Variants in CCDC171 observed in about 807,000 individuals in gnomAD.
CCDC171 encodes the protein coiled-coil domain-containing protein 171.
In CCDC171, 177 loss-of-function variants were observed where a neutral mutation model predicts 168.2. The ratio of observed to expected loss-of-function variants is 1.05; its 90% CI spans 0.93 to 1.19. The LOEUF is 1.19. CCDC171 is among the 50% of genes most tolerant of loss of function. CCDC171 has a pLI of 0.00. For synonymous variants in CCDC171, 687 were observed against 540.8 expected (o/e 1.27, Z -3.75); for missense variants, 1,991 against 1,539.0 (o/e 1.29, Z -4.91).
intron 1 of CCDC171, among the ~76,000 whole-genome samples, chr9:16,045,507 G>C (rs372103996): frequency 1.3e-5 from 2 of 152,276 alleles, no homozygotes; most frequent in South Asian, 2.1e-4. Context: ...TAACAATCAA[G>C]AATGTCTCCA....
rs182847919 is a variant in CCDC171, at chr9:15,631,104, T to G, written c.822+7691T>G. On this transcript the variant is annotated intron_variant, in intron 7 of 25. Transcript: ENST00000380701. Reference sequence around the variant, plus strand: ...AAAATTGACACCCTAACATCACAATTAAAAGAACTAGAGAAGCAAGAGCAA... The same window carrying G: ...AAAATTGACACCCTAACATCACAATGAAAAGAACTAGAGAAGCAAGAGCAA... Among the ~76,000 whole-genome samples the G allele has an allele frequency of 5.9e-3, 895 of 151,744 alleles. 8 individuals are homozygous for G. Among genetic ancestry groups the G allele is most frequent in the Non-Finnish European group, 0.011 (744 of 67,904 alleles).
intron 24 of CCDC171, among the ~76,000 whole-genome samples, chr9:15,907,411 G>A (rs1028368383): frequency 6.6e-6 from 1 of 152,178 alleles, no homozygotes; most frequent in Non-Finnish European, 1.5e-5. Context: ...ATGGGGAAAC[G>A]ATTCCCTATT....
intron 7 of CCDC171, among the ~76,000 whole-genome samples, chr9:15,652,603 G>T (rs1226248595): frequency 6.6e-6 from 1 of 151,874 alleles, no homozygotes; most frequent in Non-Finnish European, 1.5e-5. Context: ...GCTAATTTTT[G>T]TTTTTTGTTT....
At chr9:15,982,914 G>T (rs1831849246) in intron 3 of CCDC171, among the ~76,000 whole-genome samples, 1 of 152,140 alleles carries the variant, frequency 6.6e-6, no homozygotes, top group Admixed American at 6.5e-5. Context: ...AGAAGGTGAT[G>T]CAGGGGTGAG....
chr9:15,980,741 G>GTT (rs1291740382), intron 3 of CCDC171, among the ~76,000 whole-genome samples: 1 of 145,736 alleles, frequency 6.9e-6, no homozygotes, highest in African/African-American at 2.7e-5. Context: ...TTGCTCATTT[G>GTT]GTTTTTTTTT....
At chr9:16,047,507 C>G (rs1451272221) in intron 1 of CCDC171, among the ~76,000 whole-genome samples, 2 of 152,238 alleles carry the variant, frequency 1.3e-5, no homozygotes, top group Non-Finnish European at 2.9e-5. Flanking sequence ...GGTGGTCCCC[C>G]TGTCTCTAAA....
At chr9:15,698,520 C>CAAA (rs35301658) in intron 11 of CCDC171, among the ~76,000 whole-genome samples, 1 of 106,992 alleles carries the variant, frequency 9.3e-6, no homozygotes, top group African/African-American at 3.4e-5. Context: ...GACCCCGTCT[C>CAAA]AAAAAAAAAA....
intron 7 of CCDC171, 50 bp downstream of exon 7, chr9:15,623,463 A>ACACGCGCGCGCGCGCG: frequency 3.2e-6 from 2 of 633,910 alleles, no homozygotes; most frequent in South Asian, 3.8e-5. Flanking sequence ...ACTTTCACAT[A>ACACGCGCGCGCGCGCG]TGCGCGCGCG....
intron 6 of CCDC171, among the ~76,000 whole-genome samples, chr9:16,027,502 C>A (rs934880617): frequency 6.6e-6 from 1 of 152,142 alleles, no homozygotes; most frequent in Non-Finnish European, 1.5e-5. Context: ...AAACTTTTCT[C>A]CCCAAAATCA....
At chr9:15,999,886 C>T (rs1832488526) in intron 3 of CCDC171, among the ~76,000 whole-genome samples, 1 of 152,042 alleles carries the variant, frequency 6.6e-6, no homozygotes, top group African/African-American at 2.4e-5. Flanking sequence ...GGAACAAGAA[C>T]TCAGGCTCTT....
At chr9:15,998,358 A>G (rs533489282) in intron 3 of CCDC171, among the ~76,000 whole-genome samples, 60 of 152,174 alleles carry the variant, frequency 3.9e-4, no homozygotes, top group African/African-American at 1.4e-3. Context: ...TCAAAATGAG[A>G]TATGATCAGT....
chr9:15,961,478 C>T (rs569406883), intron 25 of CCDC171, among the ~76,000 whole-genome samples: 12 of 152,028 alleles, frequency 7.9e-5, no homozygotes, highest in East Asian at 7.7e-4. Context: ...GTTGCATTTG[C>T]GCAGAGTAGA....
rs562120186 is a variant in CCDC171 at position 15,631,399 on chromosome 9, C to T, written c.822+7986C>T. Among the ~76,000 whole-genome samples the T allele has an allele frequency of 6.9e-4, 105 of 152,184 alleles. 1 individual carries two copies. Among genetic ancestry groups the T allele is most frequent in the African/African-American group, 2.1e-3 (88 of 41,524 alleles). ...TCAGAGAATAGTATAAACACCTCTA[C>T]GCAAATAAACTAGAAAATCTTGAAG... is the stretch of plus-strand genomic sequence containing the variant. On this transcript the variant is annotated intron_variant, in intron 7 of 25. Coordinates refer to ENST00000380701, the MANE Select transcript of CCDC171 (RefSeq NM_173550.4).
chr9:15,904,848 CAAAA>C (rs1563972954), intron 24 of CCDC171, among the ~76,000 whole-genome samples: 2 of 147,890 alleles, frequency 1.4e-5, no homozygotes, highest in African/African-American at 5.0e-5. Context: ...AAATGGAAAA[CAAAA>C]AAAGGCAGGG....
At chr9:15,686,936 C>G (rs2050436706) in intron 10 of CCDC171, among the ~76,000 whole-genome samples, 1 of 152,064 alleles carries the variant, frequency 6.6e-6, no homozygotes, top group Non-Finnish European at 1.5e-5. Context: ...AACACCACAC[C>G]CATTAGCAAA....
chr9:15,941,843 CCTAT>C (rs990338867), intron 25 of CCDC171, among the ~76,000 whole-genome samples: 35 of 151,778 alleles, frequency 2.3e-4, no homozygotes, highest in African/African-American at 8.0e-4. Flanking sequence ...AAAAGGGTTA[CCTAT>C]CTATTGTTTT....
At chr9:15,606,630 A>G (rs1225382448) in intron 6 of CCDC171, among the ~76,000 whole-genome samples, 2 of 152,208 alleles carry the variant, frequency 1.3e-5, no homozygotes, top group East Asian at 3.8e-4. Context: ...AACTAGTGTA[A>G]TTCTTCAGAA....
chr9:15,634,824 C>G (rs2046074303), intron 7 of CCDC171, among the ~76,000 whole-genome samples: 2 of 152,146 alleles, frequency 1.3e-5, no homozygotes, highest in African/African-American at 2.4e-5. Context: ...CCTCTCATCC[C>G]TAAGCAACCA....
intron 11 of CCDC171, among the ~76,000 whole-genome samples, chr9:15,720,974 A>G (rs1162052656): frequency 6.6e-6 from 1 of 152,192 alleles, no homozygotes; most frequent in Non-Finnish European, 1.5e-5. Context: ...TTGAATCAAC[A>G]ATCAATTTAG....
Sources: gnomAD v4.1 joint callset for allele counts (sites outside exome capture counted in the v4.1 genomes callset) on GRCh38, gnomAD v4.1.1 for gene constraint, MANE v1.5 for transcripts, NCBI Gene and HGNC (gene_info 2026-07-23, HGNC 2026-07-21) for gene names.